The following AGMO variants were observed in gnomAD, a reference collection of about 807,000 sequenced individuals.
The protein encoded by AGMO is alkylglycerol monooxygenase, also known as glyceryl-ether monooxygenase.
Under a neutral mutation model 60.2 loss-of-function variants are expected in AGMO, and 75 were observed. The ratio of observed to expected loss-of-function variants is 1.25; its 90% CI spans 1.03 to 1.51. AGMO has a LOEUF of 1.51. Among genes scored for constraint, AGMO ranks in the 40% most tolerant of loss-of-function variants. AGMO has a pLI of 0.00. For synonymous variants in AGMO, 261 were observed against 177.1 expected (o/e 1.47, Z -3.76); for missense variants, 763 against 525.5 (o/e 1.45, Z -4.42).
intron 3 of AGMO, among the ~76,000 whole-genome samples, chr7:15,452,246 A>C (rs1436315850): frequency 6.6e-6 from 1 of 152,184 alleles, no homozygotes; most frequent in Non-Finnish European, 1.5e-5. Flanking sequence ...TACTTCATCG[A>C]ATTTTTAAAA....
chr7:15,553,185 G>C (rs868031385), intron 2 of AGMO, among the ~76,000 whole-genome samples: 93 of 151,576 alleles, frequency 6.1e-4, no homozygotes, highest in Admixed American at 1.1e-3. Flanking sequence ...GTGGGCGGAG[G>C]GGGGAGGGAT....
the AGMO span, among the ~76,000 whole-genome samples, chr7:15,189,874 T>A: frequency 6.6e-6 from 1 of 151,578 alleles, no homozygotes; most frequent in East Asian, 1.9e-4. Context: ...TACTAGTTGC[T>A]TAAATGTATG....
At chr7:15,466,025 G>C (rs1287797921) in intron 3 of AGMO, among the ~76,000 whole-genome samples, 1 of 152,036 alleles carries the variant, frequency 6.6e-6, no homozygotes, top group Non-Finnish European at 1.5e-5. Flanking sequence ...TTCTTTATAA[G>C]TTGGGGGTAC....
intron 3 of AGMO, among the ~76,000 whole-genome samples, chr7:15,481,508 G>C (rs1782749290): frequency 6.6e-6 from 1 of 151,988 alleles, no homozygotes; most frequent in Non-Finnish European, 1.5e-5. Flanking sequence ...AACTGTAAGA[G>C]TTCTAAAGCA....
intron 3 of AGMO, among the ~76,000 whole-genome samples, chr7:15,491,457 T>C (rs924746429): frequency 2.0e-5 from 3 of 152,190 alleles, no homozygotes; most frequent in African/African-American, 7.2e-5. Context: ...AAATTTCTGT[T>C]ATTAAACCCT....
chr7:15,151,374 G>A, the AGMO span, among the ~76,000 whole-genome samples: 1 of 151,804 alleles, frequency 6.6e-6, no homozygotes, highest in East Asian at 1.9e-4. Context: ...CTTTGGGGTT[G>A]GTTTGCTCTT....
intron 3 of AGMO, among the ~76,000 whole-genome samples, chr7:15,540,079 G>A (rs576864135): frequency 3.3e-5 from 5 of 152,206 alleles, no homozygotes; most frequent in African/African-American, 9.6e-5. Flanking sequence ...AAGGAGGGAG[G>A]AATTCAATGT....
At chr7:15,155,517 C>T in the AGMO span, among the ~76,000 whole-genome samples, 3 of 130,676 alleles carry the variant, frequency 2.3e-5, no homozygotes, top group East Asian at 7.6e-4. Flanking sequence ...ATTAAAATGG[C>T]TACATCATCT....
chr7:15,319,044 G>A (rs1220836471), intron 12 of AGMO, among the ~76,000 whole-genome samples: 2 of 151,778 alleles, frequency 1.3e-5, no homozygotes, highest in South Asian at 2.1e-4. Context: ...CTCTTTCATC[G>A]GTTTCTTTTT....
intron 12 of AGMO, among the ~76,000 whole-genome samples, chr7:15,314,601 C>A (rs1230225668): frequency 1.3e-5 from 2 of 152,000 alleles, no homozygotes; most frequent in Non-Finnish European, 2.9e-5. Context: ...AATTATTTAA[C>A]TTCAAAAATG....
At chr7:15,395,459 A>T (rs1174984941) in intron 5 of AGMO, among the ~76,000 whole-genome samples, 1 of 151,240 alleles carries the variant, frequency 6.6e-6, no homozygotes. Context: ...ATTTATAATA[A>T]ACAGGGTATT....
intron 12 of AGMO, among the ~76,000 whole-genome samples, chr7:15,228,464 T>A (rs915029741): frequency 6.6e-6 from 1 of 152,022 alleles, no homozygotes; most frequent in Non-Finnish European, 1.5e-5. Context: ...TAAGGGAAGG[T>A]TGAACAAAAT....
At chr7:15,237,786 G>A (rs564718732) in intron 12 of AGMO, among the ~76,000 whole-genome samples, 1 of 152,080 alleles carries the variant, frequency 6.6e-6, no homozygotes, top group Admixed American at 6.5e-5. Flanking sequence ...CTTGACTGTA[G>A]GCTTCAACCT....
intron 10 of AGMO, among the ~76,000 whole-genome samples, chr7:15,376,758 C>G (rs1783471214): frequency 6.6e-6 from 1 of 151,938 alleles, no homozygotes; most frequent in African/African-American, 2.4e-5. Flanking sequence ...TGATATCACC[C>G]CAGGAAGTGG....
chr7:15,313,572 T>G (rs1479472683), intron 12 of AGMO, among the ~76,000 whole-genome samples: 3 of 152,072 alleles, frequency 2.0e-5, no homozygotes, highest in Admixed American at 6.6e-5. Context: ...TAAATGTGAT[T>G]CAGTAAAGAA....
chr7:15,148,110 G>C, the AGMO span, among the ~76,000 whole-genome samples: 1 of 151,106 alleles, frequency 6.6e-6, no homozygotes, highest in Non-Finnish European at 1.5e-5. Context: ...TTTAGACTTA[G>C]TTAACATTTT....
chr7:15,495,241 G>T (rs1783190697), intron 3 of AGMO, among the ~76,000 whole-genome samples: 1 of 152,124 alleles, frequency 6.6e-6, no homozygotes, highest in Non-Finnish European at 1.5e-5. Context: ...GGCTTTGGTT[G>T]TTCCCAGAGA....
At chr7:15,319,506 G>A (rs1163700870) in intron 12 of AGMO, among the ~76,000 whole-genome samples, 2 of 152,278 alleles carry the variant, frequency 1.3e-5, no homozygotes, top group Non-Finnish European at 2.9e-5. Context: ...GCTTGGTCTT[G>A]AGTCATTATG....
chr7:15,339,347 A>AT (rs963755004), intron 12 of AGMO, among the ~76,000 whole-genome samples: 4 of 152,284 alleles, frequency 2.6e-5, no homozygotes, highest in South Asian at 4.1e-4. Flanking sequence ...GAATGCTGTC[A>AT]TTTTTTTAAT....
Sources: allele counts gnomAD v4.1 joint callset (sites outside exome capture counted in the v4.1 genomes callset), GRCh38; gene constraint gnomAD v4.1.1; transcripts MANE v1.5; gene names NCBI Gene and HGNC (gene_info 2026-07-23, HGNC 2026-07-21).